Variants in JHY observed in about 807,000 individuals in gnomAD.
JHY encodes jhy protein homolog.
JHY carries 69 observed loss-of-function variants against 78.0 expected under a neutral mutation model. The ratio of observed to expected loss-of-function variants is 0.88; its 90% CI spans 0.73 to 1.08. The LOEUF is 1.08. Ranked by LOEUF, JHY falls within the 50% of genes least tolerant of loss-of-function variation. The pLI, the probability that JHY is intolerant of heterozygous loss-of-function variation, is 0.00. For missense variants in JHY, 944 were observed against 927.8 expected (o/e 1.02, Z -0.23); for synonymous variants, 368 against 342.6 (o/e 1.07, Z -0.82).
At chr11:122,936,499 GTAGA>G (rs1565330034) in intron 5 of JHY, among the ~76,000 whole-genome samples, 5 of 151,796 alleles carry the variant, frequency 3.3e-5, no homozygotes, top group East Asian at 1.9e-4. Flanking sequence ...TTAGTTTTTG[GTAGA>G]TAGATAGATG....
chr11:122,894,317 CA>C lies in JHY; in HGVS notation c.344+8133del, dbSNP rs558967732. Among the ~76,000 whole-genome samples the C allele has an allele frequency of 3.4e-5, 5 of 148,946 alleles. No homozygotes were observed. The South Asian group carries it at 6.4e-4, about 19-fold the overall frequency. On this transcript the variant is annotated intron_variant, in intron 2 of 8. Transcript: ENST00000227349. ...CAAGACTCCATCTCAAAAAACAAAACAAAAAAAAAGCAAACAAAAACAAAAA... is the reference window on the plus strand; with the variant it reads ...CAAGACTCCATCTCAAAAAACAAAACAAAAAAAAGCAAACAAAAACAAAAA...
At chr11:122,912,132 C>T (rs1246979096) in intron 3 of JHY, among the ~76,000 whole-genome samples, 1 of 151,396 alleles carries the variant, frequency 6.6e-6, no homozygotes, top group Non-Finnish European at 1.5e-5. Context: ...ACTAAAAATA[C>T]AAAACTTAGC....
intron 5 of JHY, among the ~76,000 whole-genome samples, chr11:122,936,957 A>G (rs1863770383): frequency 6.6e-6 from 1 of 152,208 alleles, no homozygotes; most frequent in African/African-American, 2.4e-5. Context: ...AAGGTTTGAT[A>G]GAATTTTCCT....
chr11:122,891,520 G>C (rs973686344), intron 2 of JHY, among the ~76,000 whole-genome samples: 1 of 150,220 alleles, frequency 6.7e-6, no homozygotes, highest in Non-Finnish European at 1.5e-5. Context: ...AATTCCTAGA[G>C]CATTAGAAAC....
chr11:122,958,218 A>C (rs1444476838), intron 8 of JHY, among the ~76,000 whole-genome samples: 1 of 152,208 alleles, frequency 6.6e-6, no homozygotes, highest in African/African-American at 2.4e-5. Flanking sequence ...TTTGCAGTAC[A>C]AGTCTCTGCC....
intron 3 of JHY, among the ~76,000 whole-genome samples, chr11:122,914,669 TC>T (rs1291897553): frequency 3.3e-5 from 5 of 152,028 alleles, no homozygotes; most frequent in Non-Finnish European, 5.9e-5. Flanking sequence ...GGTCTCGAAC[TC>T]CTGACCTCAT....
chr11:122,920,164 AG>A (rs1182859893), intron 3 of JHY, among the ~76,000 whole-genome samples: 2 of 152,226 alleles, frequency 1.3e-5, no homozygotes, highest in Non-Finnish European at 2.9e-5. Context: ...TATTAGAAAT[AG>A]GGTAAAGAAA....
In JHY at chr11:122,924,928, C is replaced by T. The variant is rs200607446; in HGVS notation, c.896C>T (p.Thr299Met). The T allele has an allele frequency of 5.0e-5, 80 of 1,613,870 alleles. No individual in the cohort carries two copies. The East Asian group carries it at 1.4e-3, about 28-fold the overall frequency. The change falls in exon 4 of 9, where the codon ACG becomes ATG. Residue 299 changes from threonine (T) to methionine (M), a missense_variant. Thr to Met is a moderately conservative substitution (Grantham distance 81, BLOSUM62 -1). Transcript: ENST00000227349. ...ISYPVRVTDK[T>M]SIQNAKEMEN... ...TACCCCGTCAGAGTAACAGACAAGACGTCTATTCAGAATGCCAAGGAAATG... is the reference window on the plus strand; with the variant it reads ...TACCCCGTCAGAGTAACAGACAAGATGTCTATTCAGAATGCCAAGGAAATG...
At position 122,904,989 on chromosome 11, in the gene JHY, C is replaced by T. The variant is rs1021578023; in HGVS notation, c.864+545C>T. Among the ~76,000 whole-genome samples, 5 of 151,400 alleles carry T rather than the reference C, an allele frequency of 3.3e-5. 1 individual carries two copies. Among genetic ancestry groups the T allele is most frequent in the Admixed American group, 2.6e-4 (4 of 15,178 alleles). The stretch of plus-strand genomic sequence containing the variant: ...AGATTCTGTATACATATTGGGCGGT[C>T]GGGGAGTGGGTAGGGTACAACATAA... On this transcript the variant is annotated intron_variant, in intron 3 of 8. Coordinates refer to ENST00000227349, the MANE Select transcript of JHY (RefSeq NM_024806.4).
In JHY at chr11:122,946,428, A is replaced by G; in HGVS notation, c.1635-70A>G. 4 of 1,457,934 alleles carry G rather than the reference A, an allele frequency of 2.7e-6. No individual in the cohort carries two copies. In the South Asian group the frequency reaches 4.2e-5, roughly 15 times the overall value. The allele number at this position is 1,457,934 out of a possible 1,614,324, so 90.3% of individuals were successfully genotyped here. A position where few individuals can be genotyped will look rare whatever the true frequency, so the allele number is the denominator to read the frequency against. ...TACATCAAATTAATGGTTCATAAAG[A>G]CTTTTATGCTAGATGTCTTATGTAT... On this transcript the variant is annotated intron_variant, in intron 5 of 8. Coordinates refer to ENST00000227349, the MANE Select transcript of JHY (RefSeq NM_024806.4).
intron 3 of JHY, among the ~76,000 whole-genome samples, chr11:122,918,916 T>C (rs1863293096): frequency 6.6e-6 from 1 of 152,098 alleles, no homozygotes; most frequent in African/African-American, 2.4e-5. Flanking sequence ...ACCAGGGTGA[T>C]ACTTGTTACA....
chr11:122,919,220 G>A (rs951831197), intron 3 of JHY, among the ~76,000 whole-genome samples: 5 of 151,932 alleles, frequency 3.3e-5, no homozygotes, highest in Non-Finnish European at 5.9e-5. Flanking sequence ...AGGCATGGTG[G>A]TGCACGCCTG....
intron 5 of JHY, among the ~76,000 whole-genome samples, chr11:122,941,199 T>G (rs1181788380): frequency 6.6e-6 from 1 of 152,244 alleles, no homozygotes; most frequent in Non-Finnish European, 1.5e-5. Flanking sequence ...TCATTGCTAC[T>G]GAAATGTTAT....
chr11:122,895,301 G>A (rs527814726), intron 2 of JHY, among the ~76,000 whole-genome samples: 9 of 152,208 alleles, frequency 5.9e-5, no homozygotes, highest in Middle Eastern at 3.4e-3. Context: ...ATTTAACTGC[G>A]TACTTAAAAT....
chr11:122,898,362 G>T lies in JHY; in HGVS notation c.345-5563G>T, dbSNP rs1307427653. Among the ~76,000 whole-genome samples, 3 of 152,160 alleles carry T rather than the reference G, an allele frequency of 2.0e-5. No individual in the cohort carries two copies. The highest frequency in any genetic ancestry group is 4.4e-5 in the Non-Finnish European group (3 of 68,036). ...GTACAATGCAACATGATGTGCAGGAGCCCGATCCAGAGCAGACTGCCAGGC... is the reference window on the plus strand; with the variant it reads ...GTACAATGCAACATGATGTGCAGGATCCCGATCCAGAGCAGACTGCCAGGC... On this transcript the variant is annotated intron_variant, in intron 2 of 8. Transcript: ENST00000227349. The surrounding 1 kb of genome is among the most constrained non-coding windows in gnomAD (Gnocchi z 4.4).
rs140063018 is a variant in JHY at position 122,926,382 on chromosome 11, G to A, written c.978+1372G>A. Among the ~76,000 whole-genome samples, 436 of 152,160 alleles carry A rather than the reference G, an allele frequency of 2.9e-3. 2 individuals carry two copies. The highest frequency in any genetic ancestry group is 9.3e-3 in the African/African-American group (384 of 41,508). On this transcript the variant is annotated intron_variant, in intron 4 of 8. Transcript: ENST00000227349. ...TTGACATCAGTTAAAACTATATACA[G>A]TGATAAACATAGTAAAAATAATAAT... is the stretch of plus-strand genomic sequence containing the variant.
intron 3 of JHY, among the ~76,000 whole-genome samples, chr11:122,908,310 C>T (rs1863037518): frequency 6.6e-6 from 1 of 152,192 alleles, no homozygotes; most frequent in Non-Finnish European, 1.5e-5. Flanking sequence ...GAATTTTCTG[C>T]ATGGCCCAAG....
chr11:122,962,897 A>C lies in JHY; in HGVS notation c.*3452A>C, dbSNP rs1039248611. Among the ~76,000 whole-genome samples, 24 of 152,094 alleles carry C rather than the reference A, an allele frequency of 1.6e-4. No individual in the cohort carries two copies. Among genetic ancestry groups the C allele is most frequent in the Non-Finnish European group, 3.1e-4 (21 of 67,990 alleles). The stretch of plus-strand genomic sequence containing the variant: ...GAATCTCCCATCTTTGAACACCAGG[A>C]ATAGTACTTTTTATTTGTCTATGGA... On this transcript the variant is annotated 3_prime_UTR_variant, in exon 9 of 9. Coordinates refer to ENST00000227349, the MANE Select transcript of JHY (RefSeq NM_024806.4).
rs547173193 is a variant in JHY at position 122,927,683 on chromosome 11, G to A, written c.978+2673G>A. 2.6e-3 allele frequency among the ~76,000 whole-genome samples: 391 copies of A among 152,012 alleles called. 2 individuals are homozygous for A. Among genetic ancestry groups the A allele is most frequent in the African/African-American group, 8.2e-3 (341 of 41,474 alleles). On this transcript the variant is annotated intron_variant, in intron 4 of 8. Coordinates refer to ENST00000227349, the MANE Select transcript of JHY (RefSeq NM_024806.4). ...GGCTCAGGGCCTGCCATATTGGGCCGTGTCTCATTAACTGCTGCCTGTGTT... is the reference window on the plus strand; with the variant it reads ...GGCTCAGGGCCTGCCATATTGGGCCATGTCTCATTAACTGCTGCCTGTGTT...
Sources: allele counts gnomAD v4.1 joint callset (sites outside exome capture counted in the v4.1 genomes callset), GRCh38; gene constraint gnomAD v4.1.1; non-coding constraint Gnocchi (gnomAD v3.1); transcripts MANE v1.5; gene names NCBI Gene and HGNC (gene_info 2026-07-23, HGNC 2026-07-21).